Variants in PMS1 observed in about 807,000 individuals in gnomAD.
PMS1 encodes PMS1 protein homolog 1.
A neutral mutation model predicts 93.1 loss-of-function variants in PMS1; 79 were observed. The ratio of observed to expected loss-of-function variants is 0.85; its 90% CI spans 0.71 to 1.02. The LOEUF (loss-of-function observed/expected upper bound fraction) is 1.02, where lower values mean the gene tolerates loss of function less well. Among genes scored for constraint, PMS1 ranks in the 50% least tolerant of loss-of-function variants. The pLI is 0.00. For synonymous variants in PMS1, 335 were observed against 363.4 expected (o/e 0.92, Z 0.89); for missense variants, 1,064 against 1,085.3 (o/e 0.98, Z 0.28).
chr2:189,869,333 C>G (rs1439032506), intron 11 of PMS1, among the ~76,000 whole-genome samples: 1 of 152,216 alleles, frequency 6.6e-6, no homozygotes, highest in African/African-American at 2.4e-5. Flanking sequence ...CCCCCTTTAG[C>G]AGGCTTGCAG....
Position 189,786,822 on chromosome 2 carries a change from C to T in PMS1, c.-21+2229C>T, listed in dbSNP as rs889978496. On this transcript the variant is annotated intron_variant, in intron 1 of 12. Coordinates refer to ENST00000441310, the MANE Select transcript of PMS1 (RefSeq NM_000534.5). ...ATCCCAGCACTTTGGGAGGCCGAGG[C>T]GGGCGGATCACCTGAGGTCAGGAGT... 4.6e-5 allele frequency among the ~76,000 whole-genome samples: 7 copies of T among 152,202 alleles called. No homozygotes were observed. The East Asian group carries it at 7.7e-4, about 17-fold the overall frequency.
rs575417268 is a variant in PMS1, at chr2:189,815,964, C to T, written c.419-2053C>T. Among the ~76,000 whole-genome samples the T allele has an allele frequency of 5.3e-5, 8 of 152,306 alleles. 1 individual carries two copies. The East Asian group carries it at 1.5e-3, about 29-fold the overall frequency. On this transcript the variant is annotated intron_variant, in intron 4 of 12. Transcript: ENST00000441310. ...TGTCACCCGGGCTTGAGTGCAGTGG[C>T]ACAGTCATAGCTCACTGCAGCCTTG...
At chr2:189,801,416 A>G (rs2049877461) in intron 3 of PMS1, among the ~76,000 whole-genome samples, 1 of 152,192 alleles carries the variant, frequency 6.6e-6, no homozygotes, top group Non-Finnish European at 1.5e-5. Context: ...GAGAGTGAAA[A>G]TCCTGTCTTG....
At chr2:189,785,036 G>A (rs997405862) in intron 1 of PMS1, among the ~76,000 whole-genome samples, 2 of 152,140 alleles carry the variant, frequency 1.3e-5, no homozygotes, top group Non-Finnish European at 2.9e-5. Context: ...TGTATTACAT[G>A]CTAAGGAAAT....
chr2:189,813,721 C>T (rs2051037632), intron 4 of PMS1, among the ~76,000 whole-genome samples: 2 of 152,150 alleles, frequency 1.3e-5, no homozygotes, highest in African/African-American at 4.8e-5. Flanking sequence ...AAATTGATGG[C>T]ACCAGAAGAA....
intron 12 of PMS1, among the ~76,000 whole-genome samples, chr2:189,874,079 T>C (rs945815821): frequency 2.6e-5 from 4 of 152,008 alleles, no homozygotes; most frequent in Admixed American, 6.6e-5. Context: ...AGTTTTATTA[T>C]GTATTTGCAA....
chr2:189,857,385 T>G, intron 9 of PMS1: 1 of 436,562 alleles, frequency 2.3e-6, no homozygotes, highest in Non-Finnish European at 4.7e-6. Flanking sequence ...TGAGTCTAGT[T>G]GCATCATGAT....
intron 11 of PMS1, 42 bp downstream of exon 11, chr2:189,867,971 A>C: frequency 6.6e-7 from 1 of 1,520,574 alleles, no homozygotes; most frequent in Non-Finnish European, 9.1e-7. Context: ...TGGAAAAATT[A>C]GTCTTGTTCC....
In PMS1 at chr2:189,854,239, G is replaced by A; in HGVS notation, c.967G>A (p.Glu323Lys). Residue 323 changes from glutamate to lysine, a missense_variant and splice_region_variant, in exon 9 of 13, where the codon GAA (glutamate) becomes AAA (lysine). Coordinates refer to ENST00000441310, the MANE Select transcript of PMS1 (RefSeq NM_000534.5). The part of the protein sequence containing the change: ...DKSQVLLQNK[E>K]SVLIALENLM... Reference sequence around the variant, plus strand: ...AACATTTGTTAATTTGTATTTTTAGGAATCTGTTTTAATTGCTCTTGAAAA... The same window carrying A: ...AACATTTGTTAATTTGTATTTTTAGAAATCTGTTTTAATTGCTCTTGAAAA... 5 of 1,578,242 alleles carry A rather than the reference G, an allele frequency of 3.2e-6. No individual in the cohort carries two copies. Among genetic ancestry groups the A allele is most frequent in the Non-Finnish European group, 4.3e-6 (5 of 1,159,986 alleles).
At chr2:189,864,657 GAAAAAAAAAAAAAAAAAA>G (rs59807167) in intron 10 of PMS1, among the ~76,000 whole-genome samples, 1 of 3,664 alleles carries the variant, frequency 2.7e-4, no homozygotes, top group Non-Finnish European at 5.8e-4. Flanking sequence ...GTCTGTCTCA[GAAAAAAAAAAAAAAAAAA>G]AAAAAAAAAA....
At chr2:189,833,993 T>G (rs2053175631) in intron 5 of PMS1, among the ~76,000 whole-genome samples, 1 of 152,202 alleles carries the variant, frequency 6.6e-6, no homozygotes, top group South Asian at 2.1e-4. Context: ...ATATTGTCAC[T>G]AACTGGCTTA....
intron 9 of PMS1, among the ~76,000 whole-genome samples, chr2:189,861,747 CAAAA>C: frequency 8.7e-6 from 1 of 115,082 alleles, no homozygotes; most frequent in African/African-American, 2.8e-5. Flanking sequence ...GACTCTGTCT[CAAAA>C]AAAAAAAAAA....
chr2:189,810,455 G>C lies in PMS1; in HGVS notation c.418+4701G>C, dbSNP rs143373413. On this transcript the variant is annotated intron_variant, in intron 4 of 12. Transcript: ENST00000441310. The stretch of plus-strand genomic sequence containing the variant: ...TTAACTGAGTCATAGGTAGATAAAG[G>C]AACAAGTCTTCTACAAATAAGGGAG... Among the ~76,000 whole-genome samples the C allele has an allele frequency of 1.2e-3, 184 of 152,238 alleles. 2 individuals carry two copies. The highest frequency in any genetic ancestry group is 4.0e-3 in the African/African-American group (165 of 41,524).
rs2056791631 is a variant in PMS1, at chr2:189,867,799, T to C, written c.2343T>C (p.Ser781=). The C allele has an allele frequency of 6.4e-7, 1 of 1,571,978 alleles. No homozygotes were observed. The highest frequency in any genetic ancestry group is 8.8e-7 in the Non-Finnish European group (1 of 1,142,060). ...PLEKPIMLTE[S]LFNGSHYLDV... The stretch of plus-strand genomic sequence containing the variant: ...TAAAGGGCCATAATTTCTTTTTCAG[T>C]CTTTTTAATGGATCTCATTATTTAG... Residue 781 remains serine (S), a splice_region_variant and synonymous_variant, in exon 11 of 13, where the codon AGT becomes AGC. Transcript: ENST00000441310.
At position 189,844,736 on chromosome 2, in the gene PMS1, C is replaced by CTTT. The variant is rs1407198594; in HGVS notation, c.699+660_699+662dup. On this transcript the variant is annotated intron_variant, in intron 6 of 12. Transcript: ENST00000441310. Reference sequence around the variant, plus strand: ...TCTTGATCTATCAGTTTAGATAGTACTTTTTTACTCCCTAATACTGGATGA... The same window carrying CTTT: ...TCTTGATCTATCAGTTTAGATAGTACTTTTTTTTTACTCCCTAATACTGGATGA... 4.6e-5 allele frequency among the ~76,000 whole-genome samples: 7 copies of CTTT among 151,080 alleles called. No individual in the cohort carries two copies. In the East Asian group the frequency reaches 1.4e-3, roughly 29 times the overall value.
intron 4 of PMS1, among the ~76,000 whole-genome samples, chr2:189,810,980 C>CCAA (rs1258341190): frequency 1.1e-5 from 1 of 94,616 alleles, no homozygotes; most frequent in African/African-American, 3.2e-5. Flanking sequence ...AATTAACAGA[C>CCAA]AAAAAAAAAA....
chr2:189,830,609 G>A (rs1260808957), intron 5 of PMS1, among the ~76,000 whole-genome samples: 1 of 152,106 alleles, frequency 6.6e-6, no homozygotes, highest in East Asian at 1.9e-4. Flanking sequence ...TCCTTGAAGG[G>A]AAGGACTTTG....
chr2:189,827,425 T>C (rs2052529093), intron 5 of PMS1, among the ~76,000 whole-genome samples: 1 of 152,198 alleles, frequency 6.6e-6, no homozygotes, highest in African/African-American at 2.4e-5. Flanking sequence ...TACATATGTA[T>C]ATCTTGAGCA....
In PMS1 at chr2:189,791,931, A is replaced by G. The variant is rs545600556; in HGVS notation, c.122A>G (p.Asp41Gly). 4 of 1,613,898 alleles carry G rather than the reference A, an allele frequency of 2.5e-6. No individual in the cohort carries two copies. In the South Asian group the frequency reaches 3.3e-5, roughly 13 times the overall value. The change falls in exon 2 of 13, where the codon GAT becomes GGT. Residue 41 changes from aspartate to glycine, a missense_variant. Coordinates refer to ENST00000441310, the MANE Select transcript of PMS1 (RefSeq NM_000534.5). Reference sequence around the variant, plus strand: ...TTGGATGCTGGTGCCACAAGCGTAGATGTTAAACTGGTGAGTGTCCTTGAG... The same window carrying G: ...TTGGATGCTGGTGCCACAAGCGTAGGTGTTAAACTGGTGAGTGTCCTTGAG... ...NSLDAGATSV[D>G]VKLENYGFDK...
Sources: gnomAD v4.1 joint callset for allele counts (sites outside exome capture counted in the v4.1 genomes callset) on GRCh38, gnomAD v4.1.1 for gene constraint, MANE v1.5 for transcripts, NCBI Gene and HGNC (gene_info 2026-07-23, HGNC 2026-07-21) for gene names.